HIVEP3: variants seen among roughly 807,000 people sequenced by gnomAD.
HIVEP3 encodes the protein transcription factor HIVEP3.
HIVEP3 carries 49 observed loss-of-function variants against 152.8 expected under a neutral mutation model. The ratio of observed to expected loss-of-function variants is 0.32; its 90% confidence interval spans 0.26 to 0.41. The LOEUF (loss-of-function observed/expected upper bound fraction) is 0.41, where lower values mean the gene tolerates loss of function less well. Ranked by LOEUF, HIVEP3 falls within the 10% of genes least tolerant of loss-of-function variation. The probability of loss-of-function intolerance (pLI) is 1.00; values close to 1 mark genes in which losing one functional copy is unlikely to be tolerated. For missense variants in HIVEP3, 2,790 were observed against 3,103.3 expected, an observed-to-expected ratio of 0.90 and a Z score of 2.40; for synonymous variants, 1,269 against 1,289.0, an observed-to-expected ratio of 0.98 and a Z score of 0.33.
chr1:41,888,842 GC>G lies in HIVEP3; in HGVS notation c.-801+29570del, dbSNP rs757623394. 9.6e-4 allele frequency among the ~76,000 whole-genome samples: 99 copies of G among 102,704 alleles called. 2 individuals are homozygous for G. The highest frequency in any genetic ancestry group is 1.5e-3 in the Non-Finnish European group (80 of 52,982). The allele number at this position is 102,704 out of a possible 152,430, so 67.4% of individuals were successfully genotyped here. ...CCTCACACATATACCACACACACAT[GC>G]CCCCATACCACATACCTCACACACA... On this transcript the variant is annotated intron_variant, in intron 1 of 8. Coordinates refer to ENST00000372583, the MANE Select transcript of HIVEP3 (RefSeq NM_024503.5).
chr1:42,004,255 G>GT (rs1645445583), intron 1 of HIVEP3, among the ~76,000 whole-genome samples: 1 of 152,210 alleles, frequency 6.6e-6, no homozygotes, highest in African/African-American at 2.4e-5. Context: ...TCCATCCACT[G>GT]TAGGCATTCT....
chr1:41,957,898 G>A (rs976777346), intron 1 of HIVEP3, among the ~76,000 whole-genome samples: 1 of 152,150 alleles, frequency 6.6e-6, no homozygotes, highest in Admixed American at 6.5e-5. Flanking sequence ...GGCATTTCAA[G>A]GGCAAGCCAA....
chr1:42,016,260 T>A (rs1241453387), intron 1 of HIVEP3, among the ~76,000 whole-genome samples: 1 of 152,204 alleles, frequency 6.6e-6, no homozygotes, highest in African/African-American at 2.4e-5. Context: ...GTGTTCTGTA[T>A]ACAAACGAAA....
rs1644907043 is a variant in HIVEP3, at chr1:41,918,325, G to A, written c.-801+88C>T. 1 of 152,460 alleles carries A rather than the reference G, an allele frequency of 6.6e-6. No homozygotes were observed. Among genetic ancestry groups the A allele is most frequent in the South Asian group, 2.1e-4 (1 of 4,878 alleles). The allele number at this position is 152,460 out of a possible 1,614,324, so 9.4% of individuals were successfully genotyped here. A position where few individuals can be genotyped will look rare whatever the true frequency, so the allele number is the denominator to read the frequency against. Reference sequence around the variant, plus strand: ...GAATCGCAGCTCGCTATTCTGCTTCGCGGTGCGGCCTCAGGCAAAAACACA... The same window carrying A: ...GAATCGCAGCTCGCTATTCTGCTTCACGGTGCGGCCTCAGGCAAAAACACA... On this transcript the variant is annotated intron_variant, in intron 1 of 8. Transcript: ENST00000372583. This position sits in a 1 kb window ranked among gnomAD's most constrained non-coding sequence, Gnocchi z 4.3.
intron 1 of HIVEP3, among the ~76,000 whole-genome samples, chr1:41,888,275 A>G (rs1048209176): frequency 7.0e-6 from 1 of 143,530 alleles, no homozygotes; most frequent in Admixed American, 7.1e-5. Context: ...GATGGTCTCA[A>G]TCTCCTGACT....
chr1:41,970,806 A>G (rs1247356077), intron 1 of HIVEP3, among the ~76,000 whole-genome samples: 1 of 152,158 alleles, frequency 6.6e-6, no homozygotes, highest in Non-Finnish European at 1.5e-5. Context: ...TTAGGCACAG[A>G]GGGAGGACTA....
At chr1:41,904,965 T>A (rs959752831) in intron 1 of HIVEP3, among the ~76,000 whole-genome samples, 2 of 152,202 alleles carry the variant, frequency 1.3e-5, no homozygotes, top group African/African-American at 4.8e-5. Flanking sequence ...ACAGTTACAT[T>A]CTTGATAGAG....
chr1:41,516,601 G>A (rs1173385321), intron 7 of HIVEP3, among the ~76,000 whole-genome samples: 1 of 152,194 alleles, frequency 6.6e-6, no homozygotes, highest in Non-Finnish European at 1.5e-5. Flanking sequence ...CGCGCCCACG[G>A]CACAGGCCAG....
At chr1:41,883,651 C>T (rs1031130464) in intron 1 of HIVEP3, among the ~76,000 whole-genome samples, 8 of 152,234 alleles carry the variant, frequency 5.3e-5, no homozygotes, top group African/African-American at 1.2e-4. Context: ...ATCGAGCCTG[C>T]CCCCTCAATG....
chr1:41,600,820 A>G (rs55927556), intron 3 of HIVEP3, among the ~76,000 whole-genome samples: 14,224 of 152,194 alleles, frequency 0.093, 724 homozygotes, highest in Middle Eastern at 0.18. Context: ...TTTATGTCAT[A>G]AAGTTTTCTC....
intron 1 of HIVEP3, among the ~76,000 whole-genome samples, chr1:41,762,506 C>T (rs1647758784): frequency 6.6e-6 from 1 of 152,216 alleles, no homozygotes; most frequent in Non-Finnish European, 1.5e-5. Flanking sequence ...TGCTCTAACA[C>T]CTGCTCTGGG....
chr1:41,679,507 A>T (rs148250811), intron 2 of HIVEP3, among the ~76,000 whole-genome samples: 1 of 152,218 alleles, frequency 6.6e-6, no homozygotes, highest in African/African-American at 2.4e-5. Flanking sequence ...AGCCTCACTC[A>T]GTGGTCCAGA....
chr1:41,846,834 GA>G (rs941580961), intron 1 of HIVEP3, among the ~76,000 whole-genome samples: 2 of 152,224 alleles, frequency 1.3e-5, no homozygotes, highest in African/African-American at 4.8e-5. Flanking sequence ...GATGGGTAAT[GA>G]AAGAATGAAC....
intron 5 of HIVEP3, among the ~76,000 whole-genome samples, chr1:41,527,126 ACACACACCCT>A (rs1258978417): frequency 2.1e-4 from 25 of 117,924 alleles, no homozygotes; most frequent in African/African-American, 7.0e-4. Context: ...CCTCTTCCTC[ACACACACCCT>A]CACACACCCT....
chr1:41,910,415 G>A (rs1644777430), intron 1 of HIVEP3, among the ~76,000 whole-genome samples: 1 of 151,834 alleles, frequency 6.6e-6, no homozygotes, highest in Admixed American at 6.6e-5. Context: ...TGAATCAGAG[G>A]TTAAAAATCT....
chr1:42,029,252 C>T (rs1645599236), intron 1 of HIVEP3, among the ~76,000 whole-genome samples: 1 of 152,176 alleles, frequency 6.6e-6, no homozygotes, highest in South Asian at 2.1e-4. Flanking sequence ...ACAGCACCTG[C>T]CCCCATCTTC....
At chr1:41,673,200 T>G (rs1197122216) in intron 2 of HIVEP3, among the ~76,000 whole-genome samples, 1 of 152,216 alleles carries the variant, frequency 6.6e-6, no homozygotes, top group African/African-American at 2.4e-5. Flanking sequence ...GCCGGCTAGC[T>G]GCTCTAACCA....
At chr1:41,538,642 G>A (rs1424145118) in intron 5 of HIVEP3, among the ~76,000 whole-genome samples, 1 of 152,184 alleles carries the variant, frequency 6.6e-6, no homozygotes, top group Non-Finnish European at 1.5e-5. Flanking sequence ...ATAGGTGGAG[G>A]TCCTGTGGAG....
intron 1 of HIVEP3, among the ~76,000 whole-genome samples, chr1:41,897,985 C>A (rs1644561373): frequency 8.1e-6 from 1 of 124,170 alleles, no homozygotes. Context: ...GAGAGAGGTG[C>A]TGGGAGAAGG....
Sources: allele counts gnomAD v4.1 joint callset (sites outside exome capture counted in the v4.1 genomes callset), GRCh38; gene constraint gnomAD v4.1.1; non-coding constraint Gnocchi (gnomAD v3.1); transcripts MANE v1.5; gene names NCBI Gene and HGNC (gene_info 2026-07-23, HGNC 2026-07-21).